CCDC43: variants seen among roughly 807,000 people sequenced by gnomAD.
CCDC43 encodes the protein coiled-coil domain-containing protein 43.
CCDC43 carries 20 observed loss-of-function variants against 33.3 expected under a neutral mutation model. That is an observed-to-expected ratio of 0.60 (90% CI 0.42 to 0.87). CCDC43 has a LOEUF of 0.87. Ranked by LOEUF, CCDC43 falls within the 40% of genes least tolerant of loss-of-function variation. The pLI, the probability that CCDC43 is intolerant of heterozygous loss-of-function variation, is 0.00. For synonymous variants in CCDC43, 104 were observed against 106.5 expected, an observed-to-expected ratio of 0.98 and a Z score of 0.14; for missense variants, 248 against 269.9, an observed-to-expected ratio of 0.92 and a Z score of 0.57.
At chr17:44,679,353 A>G (rs996648680) in intron 4 of CCDC43, among the ~76,000 whole-genome samples, 1 of 152,232 alleles carries the variant, frequency 6.6e-6, no homozygotes, top group African/African-American at 2.4e-5. Flanking sequence ...ATGAAATTTC[A>G]TTCTAGAATA....
chr17:44,687,185 A>G (rs1334393756), intron 1 of CCDC43, among the ~76,000 whole-genome samples: 3 of 151,954 alleles, frequency 2.0e-5, no homozygotes, highest in Non-Finnish European at 4.4e-5. Context: ...GCTCACGCCT[A>G]TAGCCCCAGC....
In CCDC43 at chr17:44,682,168, T is replaced by C. The variant is rs753503179; in HGVS notation, c.293-30A>G. On this transcript the variant is annotated intron_variant, in intron 2 of 4. Coordinates refer to ENST00000315286, the MANE Select transcript of CCDC43 (RefSeq NM_144609.3). ...GAGGTGGTGGAAGGAAGAACAAGGT[T>C]GTATGAGAGAGAACAAGCTCACTGA... The C allele has an allele frequency of 3.7e-6, 6 of 1,613,388 alleles. No individual in the cohort carries two copies. The East Asian group carries it at 1.1e-4, about 30-fold the overall frequency.
At chr17:44,685,354 G>A (rs1972218993) in intron 1 of CCDC43, among the ~76,000 whole-genome samples, 1 of 152,024 alleles carries the variant, frequency 6.6e-6, no homozygotes, top group African/African-American at 2.4e-5. Context: ...TAATAAAGAG[G>A]AGATACATGA....
Position 44,684,959 on chromosome 17 carries a change from G to GT in CCDC43, c.205-1001dup, listed in dbSNP as rs927161738. Among the ~76,000 whole-genome samples the GT allele has an allele frequency of 4.0e-4, 61 of 151,444 alleles. 1 individual carries two copies. Among genetic ancestry groups the GT allele is most frequent in the African/African-American group, 1.2e-3 (49 of 41,266 alleles). ...CCACACCTGGCTAATTGAGTTTGTTGTTTTTTTTAAAAGATGGGGTCTCAC... is the reference window on the plus strand; with the variant it reads ...CCACACCTGGCTAATTGAGTTTGTTGTTTTTTTTTAAAAGATGGGGTCTCAC... On this transcript the variant is annotated intron_variant, in intron 1 of 4. Transcript: ENST00000315286.
At chr17:44,686,708 A>G (rs1972242407) in intron 1 of CCDC43, among the ~76,000 whole-genome samples, 2 of 152,172 alleles carry the variant, frequency 1.3e-5, no homozygotes, top group Admixed American at 6.5e-5. Context: ...ACTTTGTAAC[A>G]TACTATATAA....
rs1337662590 is a variant in CCDC43 at position 44,678,860 on chromosome 17, C to T, written c.671G>A (p.Arg224Gln). ...KKRTQRGERKR is the reference protein window; with the variant it reads ...KKRTQRGERKQ ...AAAGAATAGAGTAGGCCAAGGTTAT[C>T]GCTTTCGCTCCCCTCTCTGTGTCCT... Residue 224 changes from arginine (R) to glutamine (Q), a missense_variant, in exon 5 of 5, where the codon CGA becomes CAA. Coordinates refer to ENST00000315286, the MANE Select transcript of CCDC43 (RefSeq NM_144609.3). 2 of 1,612,934 alleles carry T rather than the reference C, an allele frequency of 1.2e-6. No homozygotes were observed. Among genetic ancestry groups the T allele is most frequent in the Non-Finnish European group, 1.7e-6 (2 of 1,179,392 alleles).
At chr17:44,679,617 G>A (rs1252688472) in intron 4 of CCDC43, among the ~76,000 whole-genome samples, 2 of 152,168 alleles carry the variant, frequency 1.3e-5, no homozygotes, top group African/African-American at 4.8e-5. Flanking sequence ...AGTTTAGGCT[G>A]GGCGCAGTGG....
intron 4 of CCDC43, among the ~76,000 whole-genome samples, chr17:44,679,935 G>A (rs990935505): frequency 2.0e-5 from 3 of 151,958 alleles, no homozygotes; most frequent in Non-Finnish European, 4.4e-5. Flanking sequence ...TGTATTCTCT[G>A]ACAAATTATA....
At chr17:44,688,858 A>G (rs1279377281) in intron 1 of CCDC43, 1 of 152,294 alleles carries the variant, frequency 6.6e-6, no homozygotes, top group Admixed American at 6.5e-5. Context: ...GTGACTTACT[A>G]TGTAAACATA....
chr17:44,685,159 T>C (rs922125235), intron 1 of CCDC43, among the ~76,000 whole-genome samples: 7 of 152,216 alleles, frequency 4.6e-5, no homozygotes, highest in Non-Finnish European at 8.8e-5. Context: ...AACTGCAATT[T>C]TATACCCTTT....
chr17:44,687,146 T>A (rs1390612935), intron 1 of CCDC43, among the ~76,000 whole-genome samples: 1 of 152,006 alleles, frequency 6.6e-6, no homozygotes. Context: ...TTTTTTTTTT[T>A]AATTAGCCAG....
chr17:44,689,305 G>C, intron 1 of CCDC43: 1 of 552,538 alleles, frequency 1.8e-6, no homozygotes, highest in Non-Finnish European at 3.2e-6. Context: ...ACAAGCATCG[G>C]AGAGGGCCTT....
intron 3 of CCDC43, among the ~76,000 whole-genome samples, chr17:44,681,537 T>C (rs1247337299): frequency 6.6e-6 from 1 of 152,190 alleles, no homozygotes; most frequent in Non-Finnish European, 1.5e-5. Flanking sequence ...AGAGAATCTT[T>C]CACCCAAAAA....
intron 1 of CCDC43, 118 bp downstream of exon 1, chr17:44,689,432 C>A: frequency 7.0e-7 from 1 of 1,432,606 alleles, no homozygotes; most frequent in Non-Finnish European, 9.4e-7. Flanking sequence ...AGGAGTATAC[C>A]TCTCCCAGGT....
intron 3 of CCDC43, among the ~76,000 whole-genome samples, chr17:44,681,231 G>T (rs956521231): frequency 6.6e-6 from 1 of 152,180 alleles, no homozygotes; most frequent in African/African-American, 2.4e-5. Flanking sequence ...GAGGTCAGGA[G>T]ATCGAGACCA....
At chr17:44,684,364 C>T (rs1972204395) in intron 1 of CCDC43, among the ~76,000 whole-genome samples, 3 of 152,120 alleles carry the variant, frequency 2.0e-5, no homozygotes, top group Admixed American at 2.0e-4. Flanking sequence ...AGCTAATTAA[C>T]AAATCTATCA....
intron 3 of CCDC43, 24 bp downstream of exon 3, chr17:44,681,979 G>A: frequency 1.2e-6 from 2 of 1,613,714 alleles, no homozygotes; most frequent in Non-Finnish European, 1.7e-6. Context: ...TTAGGGAATG[G>A]TGCCGAGACT....
At chr17:44,680,542 G>C (rs766424410) in intron 4 of CCDC43, 43 bp downstream of exon 4, 1 of 1,394,564 alleles carries the variant, frequency 7.2e-7, no homozygotes, top group South Asian at 1.2e-5. Context: ...GATCTCAAGA[G>C]GACTCTATGG....
rs780839933 is a variant in CCDC43, at chr17:44,689,722, G to T, written c.32C>A (p.Ala11Asp). 8 of 1,585,836 alleles carry T rather than the reference G, an allele frequency of 5.0e-6. No homozygotes were observed. The East Asian group carries it at 6.9e-5, about 14-fold the overall frequency. The change falls in exon 1 of 5, where the codon GCC becomes GAC. Residue 11 changes from alanine to aspartate, a missense_variant. By Grantham distance (126) the Ala-to-Asp change is moderately radical. Coordinates refer to ENST00000315286, the MANE Select transcript of CCDC43 (RefSeq NM_144609.3). MAAPSEVAAI[A>D]PGEGDGGGGG... ...GCCTCCGCCATCGCCTTCGCCAGGG[G>T]CTATCGCGGCCACTTCGCTGGGCGC...
Sources: allele counts gnomAD v4.1 joint callset (sites outside exome capture counted in the v4.1 genomes callset), GRCh38; gene constraint gnomAD v4.1.1; transcripts MANE v1.5; gene names NCBI Gene and HGNC (gene_info 2026-07-23, HGNC 2026-07-21).